Variants in ARHGAP19 observed in about 807,000 individuals in gnomAD.
ARHGAP19 encodes Rho GTPase activating protein 19, also known as rho GTPase-activating protein 19.
In ARHGAP19, 48 loss-of-function variants were observed where a neutral mutation model predicts 60.9. That is an observed-to-expected ratio of 0.79 (90% CI 0.62 to 1.00). ARHGAP19 has a LOEUF of 1.00. Among genes scored for constraint, ARHGAP19 ranks in the 50% least tolerant of loss-of-function variants. ARHGAP19 has a pLI of 0.00. For missense variants in ARHGAP19, 562 were observed against 597.2 expected (o/e 0.94, Z 0.61); for synonymous variants, 209 against 215.5 (o/e 0.97, Z 0.27).
chr10:97,289,297 A>G (rs567339222), intron 1 of ARHGAP19, among the ~76,000 whole-genome samples: 3 of 150,714 alleles, frequency 2.0e-5, no homozygotes, highest in Non-Finnish European at 3.0e-5. Context: ...TGTATTTTTC[A>G]TTGAGATGGG....
At chr10:97,239,267 G>C (rs1249095827) in intron 8 of ARHGAP19, among the ~76,000 whole-genome samples, 1 of 152,124 alleles carries the variant, frequency 6.6e-6, no homozygotes, top group Non-Finnish European at 1.5e-5. Flanking sequence ...GGCCGAGGTG[G>C]GGGGATCACA....
intron 8 of ARHGAP19, among the ~76,000 whole-genome samples, chr10:97,237,377 G>A (rs993527974): frequency 2.0e-5 from 3 of 151,810 alleles, no homozygotes; most frequent in South Asian, 2.1e-4. Flanking sequence ...GACAGACCAC[G>A]TATATGACAG....
Position 97,225,780 on chromosome 10 carries a change from C to T in ARHGAP19, c.*342G>A. On this transcript the variant is annotated 3_prime_UTR_variant, in exon 12 of 12. Transcript: ENST00000358531. ...TTAAAAAATTACTGGCAGTTGAGCACACATTTCATATTTTTTTTCAAAAGT... is the reference window on the plus strand; with the variant it reads ...TTAAAAAATTACTGGCAGTTGAGCATACATTTCATATTTTTTTTCAAAAGT... The T allele has an allele frequency of 4.1e-6, 1 of 243,444 alleles. No homozygotes were observed. Among genetic ancestry groups the T allele is most frequent in the Non-Finnish European group, 7.8e-6 (1 of 127,856 alleles). 15.1% of individuals were successfully genotyped at this position (243,444 alleles called of 1,614,324 possible).
In ARHGAP19 at chr10:97,222,919, T is replaced by G; in HGVS notation, c.*3203A>C. 6.6e-6 allele frequency: 1 copy of G among 152,182 alleles called. No homozygotes were observed. The highest frequency in any genetic ancestry group is 1.9e-4 in the East Asian group (1 of 5,188). The allele number at this position is 152,182 out of a possible 1,614,324, so 9.4% of individuals were successfully genotyped here. A position where few individuals can be genotyped will look rare whatever the true frequency, so the allele number is the denominator to read the frequency against. On this transcript the variant is annotated 3_prime_UTR_variant, in exon 12 of 12. Transcript: ENST00000358531. Reference sequence around the variant, plus strand: ...AAAAATCACCTGGTTGCATGGCCAGTCACTGTGGGGCACGTTCCCAGTGAC... The same window carrying G: ...AAAAATCACCTGGTTGCATGGCCAGGCACTGTGGGGCACGTTCCCAGTGAC...
chr10:97,238,111 CCTT>C (rs1356854393), intron 8 of ARHGAP19, among the ~76,000 whole-genome samples: 3 of 152,044 alleles, frequency 2.0e-5, no homozygotes, highest in Non-Finnish European at 4.4e-5. Flanking sequence ...CCTCTGAAGA[CCTT>C]CTAGTGGAAT....
chr10:97,256,575 A>G, intron 5 of ARHGAP19, 171 bp from the exon 6 acceptor site: 3 of 527,220 alleles, frequency 5.7e-6, no homozygotes, highest in Non-Finnish European at 1.0e-5. Context: ...GACATAATCT[A>G]GAAAAACAAT....
intron 7 of ARHGAP19, among the ~76,000 whole-genome samples, chr10:97,245,935 CT>C (rs1162062657): frequency 1.3e-5 from 2 of 150,958 alleles, no homozygotes; most frequent in African/African-American, 2.4e-5. Flanking sequence ...GGGGGAGGCA[CT>C]TTTTTTTTCA....
chr10:97,288,643 A>G (rs1406790144), intron 1 of ARHGAP19, among the ~76,000 whole-genome samples: 1 of 151,958 alleles, frequency 6.6e-6, no homozygotes, highest in Non-Finnish European at 1.5e-5. Flanking sequence ...CAAGAGCAAG[A>G]AAGAATCTGT....
At chr10:97,251,393 G>T (rs1842656461) in intron 6 of ARHGAP19, among the ~76,000 whole-genome samples, 2 of 45,568 alleles carry the variant, frequency 4.4e-5, no homozygotes, top group Non-Finnish European at 9.7e-5. Flanking sequence ...GAAGGGGAAG[G>T]GAAGGGGAAG....
chr10:97,253,004 C>T (rs1046298995), intron 6 of ARHGAP19, among the ~76,000 whole-genome samples: 1 of 152,092 alleles, frequency 6.6e-6, no homozygotes, highest in Non-Finnish European at 1.5e-5. Flanking sequence ...CAAATTGCAG[C>T]AACATGGATG....
chr10:97,274,464 T>TAAA (rs60869967), intron 1 of ARHGAP19, among the ~76,000 whole-genome samples: 1 of 142,384 alleles, frequency 7.0e-6, no homozygotes, highest in Non-Finnish European at 1.5e-5. Flanking sequence ...GACTCCATCT[T>TAAA]AAAAAAAAAA....
intron 1 of ARHGAP19, among the ~76,000 whole-genome samples, chr10:97,285,423 C>G (rs189874458): frequency 1.3e-5 from 2 of 151,000 alleles, no homozygotes; most frequent in East Asian, 3.9e-4. Context: ...GCCTCAAACT[C>G]TTGAGCTCAA....
intron 6 of ARHGAP19, among the ~76,000 whole-genome samples, chr10:97,247,642 G>A (rs1048443599): frequency 6.6e-6 from 1 of 151,498 alleles, no homozygotes; most frequent in African/African-American, 2.4e-5. Context: ...AAGAAAGGAA[G>A]GGAGAGGAGG....
chr10:97,235,213 C>T lies in ARHGAP19; in HGVS notation c.1284+4G>A, dbSNP rs1564711814. On this transcript the variant is annotated splice_donor_region_variant and intron_variant, in intron 9 of 11. Transcript: ENST00000358531. ...TGCTGAAAACGACAGCCCAGCATAC[C>T]TACCTTAATAAGCCCACTGAAGGAG... 1 of 1,605,518 alleles carries T rather than the reference C, an allele frequency of 6.2e-7. No individual in the cohort carries two copies. The highest frequency in any genetic ancestry group is 8.5e-7 in the Non-Finnish European group (1 of 1,173,114).
chr10:97,260,035 C>A (rs1012364518), intron 4 of ARHGAP19, among the ~76,000 whole-genome samples: 1 of 150,744 alleles, frequency 6.6e-6, no homozygotes, highest in African/African-American at 2.4e-5. Context: ...CGGGGTTTCA[C>A]CGTGTTAGTC....
At chr10:97,257,596 A>G (rs771023139) in intron 5 of ARHGAP19, among the ~76,000 whole-genome samples, 24 of 152,028 alleles carry the variant, frequency 1.6e-4, no homozygotes, top group Non-Finnish European at 3.1e-4. Context: ...GTAAGTCACT[A>G]CTTCTTTTTA....
chr10:97,259,652 A>G, intron 4 of ARHGAP19, 24 bp from the exon 5 acceptor site: 1 of 1,577,728 alleles, frequency 6.3e-7, no homozygotes, highest in South Asian at 1.1e-5. Flanking sequence ...GAGAATTTGC[A>G]AAGTGGGGAG....
At position 97,240,961 on chromosome 10, in the gene ARHGAP19, G is replaced by A. The variant is rs575572644; in HGVS notation, c.1185+3007C>T. Among the ~76,000 whole-genome samples, 15 of 152,242 alleles carry A rather than the reference G, an allele frequency of 9.9e-5. No individual in the cohort carries two copies. The East Asian group carries it at 2.7e-3, about 27-fold the overall frequency. ...CTGCGGGTTTCAATGTTTCTATAGT[G>A]AGCATGTATAATTTTTATAATCATG... On this transcript the variant is annotated intron_variant, in intron 8 of 11. Transcript: ENST00000358531.
At chr10:97,265,690 T>C (rs1243402689) in intron 2 of ARHGAP19, 170 bp downstream of exon 2, 6 of 703,004 alleles carry the variant, frequency 8.5e-6, no homozygotes, top group Non-Finnish European at 1.4e-5. Context: ...TCTAGACAGT[T>C]TTTATAATTT....
Sources: allele counts gnomAD v4.1 joint callset (sites outside exome capture counted in the v4.1 genomes callset), GRCh38; gene constraint gnomAD v4.1.1; transcripts MANE v1.5; gene names NCBI Gene and HGNC (gene_info 2026-07-23, HGNC 2026-07-21).